Variants in PAGR1 observed in about 807,000 individuals in gnomAD.
PAGR1 encodes PAXIP1-associated glutamate-rich protein 1.
A neutral mutation model predicts 22.4 loss-of-function variants in PAGR1; 20 were observed. The ratio of observed to expected loss-of-function variants is 0.89; its 90% confidence interval spans 0.63 to 1.30. The LOEUF (loss-of-function observed/expected upper bound fraction) is 1.30. PAGR1 is among the 50% of genes most tolerant of loss of function. PAGR1 has a pLI of 0.00. For synonymous variants in PAGR1, 161 were observed against 148.3 expected, an observed-to-expected ratio of 1.09 and a Z score of -0.62; for missense variants, 338 against 343.6, an observed-to-expected ratio of 0.98 and a Z score of 0.13.
rs1205748148 is a variant in PAGR1, at chr16:29,822,097, T to G, written c.*2343T>G. ...TGTGGTTGGGGTTTTGTTTTTTTTT[T>G]TTTTTTAAAGAATTATAGCTCAGTC... On this transcript the variant is annotated 3_prime_UTR_variant, in exon 3 of 3. Coordinates refer to ENST00000320330, the MANE Select transcript of PAGR1 (RefSeq NM_024516.4). Among the ~76,000 whole-genome samples, 1 of 151,572 alleles carries G rather than the reference T, an allele frequency of 6.6e-6. No homozygotes were observed. Among genetic ancestry groups the G allele is most frequent in the Non-Finnish European group, 1.5e-5 (1 of 67,852 alleles).
At position 29,816,224 on chromosome 16, in the gene PAGR1, T is replaced by A. The variant is rs1900241762; in HGVS notation, c.-302T>A. On this transcript the variant is annotated 5_prime_UTR_variant, in exon 1 of 3. Coordinates refer to ENST00000320330, the MANE Select transcript of PAGR1 (RefSeq NM_024516.4). ...GGGGAGAAGGCGCCGTGTCCGGGTG[T>A]GGAGAGGGGCGTCGTGGAAGCGAGA... The A allele has an allele frequency of 5.0e-6, 2 of 399,292 alleles. No individual in the cohort carries two copies. The highest frequency in any genetic ancestry group is 8.9e-6 in the Non-Finnish European group (2 of 225,880). The allele number at this position is 399,292 out of a possible 1,614,324, so 24.7% of individuals were successfully genotyped here.
rs1900334524 is a variant in PAGR1, at chr16:29,820,187, G to C, written c.*433G>C. On this transcript the variant is annotated 3_prime_UTR_variant, in exon 3 of 3. Transcript: ENST00000320330. The stretch of plus-strand genomic sequence containing the variant: ...GGAGAGGCAGAATTGTACTCACCCA[G>C]ATTGGAAAATGAAAGCCAGATGGGT... 1 of 157,474 alleles carries C rather than the reference G, an allele frequency of 6.4e-6. No individual in the cohort carries two copies. Among genetic ancestry groups the C allele is most frequent in the Non-Finnish European group, 1.4e-5 (1 of 71,198 alleles). 9.8% of individuals were successfully genotyped at this position (157,474 alleles called of 1,614,324 possible).
At chr16:29,817,319 G>T (rs753367820) in intron 2 of PAGR1, 27 bp downstream of exon 2, 4 of 1,610,074 alleles carry the variant, frequency 2.5e-6, no homozygotes, top group Non-Finnish European at 3.4e-6. Flanking sequence ...AACAGTTGGG[G>T]GAGGTGAAGG....
In PAGR1 at chr16:29,819,803, C is replaced by G. The variant is rs1900324298; in HGVS notation, c.*49C>G. 8 of 1,547,054 alleles carry G rather than the reference C, an allele frequency of 5.2e-6. No homozygotes were observed. Among genetic ancestry groups the G allele is most frequent in the Non-Finnish European group, 6.1e-6 (7 of 1,139,910 alleles). The stretch of plus-strand genomic sequence containing the variant: ...GTGCAGTGTCCGTACCTGCTGGAGC[C>G]TGGGCCCTCCTTCCCCAGCCCAGAC... On this transcript the variant is annotated 3_prime_UTR_variant, in exon 3 of 3. Transcript: ENST00000320330.
rs1246437858 is a variant in PAGR1, at chr16:29,822,261, G to A, written c.*2507G>A. Reference sequence around the variant, plus strand: ...GCAGGAGTGGGAGGAGGGAGGACAAGTGGAAGTCTAGGCTGGCTGAGCTGT... The same window carrying A: ...GCAGGAGTGGGAGGAGGGAGGACAAATGGAAGTCTAGGCTGGCTGAGCTGT... On this transcript the variant is annotated 3_prime_UTR_variant, in exon 3 of 3. Coordinates refer to ENST00000320330, the MANE Select transcript of PAGR1 (RefSeq NM_024516.4). Among the ~76,000 whole-genome samples the A allele has an allele frequency of 6.6e-6, 1 of 151,638 alleles. No homozygotes were observed. The highest frequency in any genetic ancestry group is 6.6e-5 in the Admixed American group (1 of 15,238).
intron 1 of PAGR1, 46 bp downstream of exon 1, chr16:29,817,053 G>T: frequency 6.4e-7 from 1 of 1,553,982 alleles, no homozygotes; most frequent in South Asian, 1.2e-5. Context: ...CTCCCCTGAT[G>T]GCGGGAGGAA....
rs1331289304 is a variant in PAGR1, at chr16:29,816,494, C to T, written c.-32C>T. ...GGACCCTGGCTTCGGACTCCAGTATCTGTCGTCGCAGGGTCCCTGCCCTAG... is the reference window on the plus strand; with the variant it reads ...GGACCCTGGCTTCGGACTCCAGTATTTGTCGTCGCAGGGTCCCTGCCCTAG... On this transcript the variant is annotated 5_prime_UTR_variant, in exon 1 of 3. Transcript: ENST00000320330. 1.2e-5 allele frequency: 17 copies of T among 1,463,316 alleles called. No homozygotes were observed. The highest frequency in any genetic ancestry group is 1.4e-5 in the Non-Finnish European group (16 of 1,106,760). The allele number at this position is 1,463,316 out of a possible 1,614,324, so 90.6% of individuals were successfully genotyped here.
At chr16:29,819,479 T>G in intron 2 of PAGR1, 76 bp from the exon 3 acceptor site, 1 of 1,486,086 alleles carries the variant, frequency 6.7e-7, no homozygotes, top group Non-Finnish European at 9.3e-7. Flanking sequence ...GCTCCCCAAG[T>G]GATGAGTGAG....
rs770834886 is a variant in PAGR1 at position 29,816,604 on chromosome 16, G to A, written c.79G>A (p.Gly27Ser). The A allele has an allele frequency of 6.6e-7, 1 of 1,517,112 alleles. No homozygotes were observed. Among genetic ancestry groups the A allele is most frequent in the South Asian group, 1.3e-5 (1 of 75,710 alleles). The allele number at this position is 1,517,112 out of a possible 1,614,324, so 94.0% of individuals were successfully genotyped here. The part of the protein sequence containing the change: ...PLSEEGEVTS[G>S]LQALAVEDTG... ...GTCTGAAGAAGGGGAAGTGACCTCC[G>A]GCCTCCAGGCTCTGGCCGTGGAGGA... is the stretch of plus-strand genomic sequence containing the variant. The change falls in exon 1 of 3, where the codon GGC becomes AGC. Residue 27 changes from glycine (G) to serine (S), a missense_variant. Physicochemically the swap from Gly to Ser is moderately conservative, Grantham distance 56 (BLOSUM62 0). This residue lies in a region of PAGR1 where 235 missense variants were observed against 216.0 expected (regional missense o/e 1.09). Transcript: ENST00000320330.
chr16:29,819,524 CT>C (rs1354696476), intron 2 of PAGR1, 30 bp from the exon 3 acceptor site: 1 of 1,612,230 alleles, frequency 6.2e-7, no homozygotes, highest in East Asian at 2.2e-5. Context: ...ACCTCCATCC[CT>C]TCCATGTATC....
Position 29,819,727 on chromosome 16 carries a change from T to G in PAGR1, c.738T>G (p.Ser246Arg). The G allele has an allele frequency of 6.2e-7, 1 of 1,612,674 alleles. No homozygotes were observed. Among genetic ancestry groups the G allele is most frequent in the South Asian group, 1.1e-5 (1 of 91,038 alleles). Reference sequence around the variant, plus strand: ...CCCCACTCCGATCCTCCGGGAGTAGTCTCTTCCCTCGGCAGCGGAAATACT... The same window carrying G: ...CCCCACTCCGATCCTCCGGGAGTAGGCTCTTCCCTCGGCAGCGGAAATACT... ...ASPPLRSSGS[S>R]LFPRQRKY The change falls in exon 3 of 3, where the codon AGT becomes AGG. Residue 246 changes from serine to arginine, a missense_variant. Ser to Arg is a moderately radical substitution (Grantham distance 110). Transcript: ENST00000320330.
chr16:29,817,099 G>C, intron 1 of PAGR1, 92 bp downstream of exon 1: 1 of 1,576,024 alleles, frequency 6.3e-7, no homozygotes, highest in Non-Finnish European at 8.6e-7. Flanking sequence ...TGGAACCTTT[G>C]AAAGTGGAGG....
In PAGR1 at chr16:29,820,761, C is replaced by A. The variant is rs951772197; in HGVS notation, c.*1007C>A. 6.6e-6 allele frequency: 1 copy of A among 152,384 alleles called. No homozygotes were observed. Among genetic ancestry groups the A allele is most frequent in the Admixed American group, 6.5e-5 (1 of 15,276 alleles). The allele number at this position is 152,384 out of a possible 1,614,324, so 9.4% of individuals were successfully genotyped here. A position where few individuals can be genotyped will look rare whatever the true frequency, so the allele number is the denominator to read the frequency against. ...AACACCAACACCGGTCCCCCACCCC[C>A]CTGCAACTCTCAGGCCTCTCTCTGA... On this transcript the variant is annotated 3_prime_UTR_variant, in exon 3 of 3. Transcript: ENST00000320330.
rs889374976 is a variant in PAGR1 at position 29,816,382 on chromosome 16, G to C, written c.-144G>C. On this transcript the variant is annotated 5_prime_UTR_variant, in exon 1 of 3. Transcript: ENST00000320330. ...GTGGGGACTGAGCGCCCCCTCCCGG[G>C]GACGGGCGGTCTGGCCGCGGAGTCC... is the stretch of plus-strand genomic sequence containing the variant. The C allele has an allele frequency of 5.9e-6, 5 of 844,070 alleles. No individual in the cohort carries two copies. The highest frequency in any genetic ancestry group is 8.2e-6 in the Non-Finnish European group (5 of 612,122). The allele number at this position is 844,070 out of a possible 1,614,324, so 52.3% of individuals were successfully genotyped here. A position where few individuals can be genotyped will look rare whatever the true frequency, so the allele number is the denominator to read the frequency against.
intron 2 of PAGR1, chr16:29,817,990 A>T (rs941514981): frequency 8.5e-5 from 13 of 152,048 alleles, no homozygotes; most frequent in African/African-American, 3.1e-4. Flanking sequence ...TTCTTTTTTT[A>T]AAAAAACAAC....
chr16:29,816,161 C>T lies in PAGR1; in HGVS notation c.-365C>T, dbSNP rs575548668. ...GGCGGGTCTTAGCTCCAGGTGCGTA[C>T]GGCATCTGACTTGACGTGGCCCACA... On this transcript the variant is annotated 5_prime_UTR_variant, in exon 1 of 3. The change creates a new upstream start codon in the 5' untranslated region. Coordinates refer to ENST00000320330, the MANE Select transcript of PAGR1 (RefSeq NM_024516.4). The T allele has an allele frequency of 7.9e-5, 26 of 329,736 alleles. No individual in the cohort carries two copies. The highest frequency in any genetic ancestry group is 4.9e-4 in the African/African-American group (23 of 47,314). The allele number at this position is 329,736 out of a possible 1,614,324, so 20.4% of individuals were successfully genotyped here.
chr16:29,819,616 G>A lies in PAGR1; in HGVS notation c.627G>A (p.Lys209=), dbSNP rs376373192. Residue 209 remains lysine, a synonymous_variant, in exon 3 of 3, where the codon AAG becomes AAA. Transcript: ENST00000320330. ...ARLDKVLSDM[K]RHKKLEEQIL... ...TGGACAAGGTGCTGTCGGACATGAA[G>A]AGACACAAGAAGCTGGAGGAGCAGA... 5 of 1,614,142 alleles carry A rather than the reference G, an allele frequency of 3.1e-6. No homozygotes were observed. In the South Asian group the frequency reaches 5.5e-5, roughly 18 times the overall value.
chr16:29,817,380 GC>G lies in PAGR1; in HGVS notation c.565+90del. 3.9e-6 allele frequency: 5 copies of G among 1,265,904 alleles called. No individual in the cohort carries two copies. The East Asian group carries it at 1.3e-4, about 32-fold the overall frequency. 78.4% of individuals were successfully genotyped at this position (1,265,904 alleles called of 1,614,324 possible). A position where few individuals can be genotyped will look rare whatever the true frequency, so the allele number is the denominator to read the frequency against. The stretch of plus-strand genomic sequence containing the variant: ...GCTCCCCTAGAGGCCTTTGCTTGCT[GC>G]CTCAGCTCCCACACAACTTACAGCT... On this transcript the variant is annotated intron_variant, in intron 2 of 2. Coordinates refer to ENST00000320330, the MANE Select transcript of PAGR1 (RefSeq NM_024516.4).
Position 29,822,087 on chromosome 16 carries a change from G to GTT in PAGR1, c.*2348_*2349dup, listed in dbSNP as rs201002535. Among the ~76,000 whole-genome samples the GTT allele has an allele frequency of 1.6e-3, 219 of 138,482 alleles. 1 individual carries two copies. Among genetic ancestry groups the GTT allele is most frequent in the Middle Eastern group, 7.4e-3 (2 of 272 alleles). The allele number at this position is 138,482 out of a possible 152,430, so 90.8% of individuals were successfully genotyped here. A position where few individuals can be genotyped will look rare whatever the true frequency, so the allele number is the denominator to read the frequency against. On this transcript the variant is annotated 3_prime_UTR_variant, in exon 3 of 3. Coordinates refer to ENST00000320330, the MANE Select transcript of PAGR1 (RefSeq NM_024516.4). ...TTTGTGTGTGTGTGGTTGGGGTTTTGTTTTTTTTTTTTTTTTAAAGAATTA... is the reference window on the plus strand; with the variant it reads ...TTTGTGTGTGTGTGGTTGGGGTTTTGTTTTTTTTTTTTTTTTTTAAAGAATTA...
Sources: gnomAD v4.1 joint callset for allele counts (sites outside exome capture counted in the v4.1 genomes callset) on GRCh38, gnomAD v4.1.1 for gene constraint, gnomAD v4.1.1 regional missense constraint, MANE v1.5 for transcripts, NCBI Gene and HGNC (gene_info 2026-07-23, HGNC 2026-07-21) for gene names.